The following CC2D1B variants were observed in gnomAD, a reference collection of about 807,000 sequenced individuals.
The protein encoded by CC2D1B is coiled-coil and C2 domain containing 1B.
In CC2D1B, 92 loss-of-function variants were observed where a neutral mutation model predicts 110.8. That is an observed-to-expected ratio of 0.83 (90% CI 0.70 to 0.99). The LOEUF is 0.99. Ranked by LOEUF, CC2D1B falls within the 50% of genes least tolerant of loss-of-function variation. CC2D1B has a pLI of 0.00. For synonymous variants in CC2D1B, 406 were observed against 429.2 expected, an observed-to-expected ratio of 0.95 and a Z score of 0.67; for missense variants, 1,136 against 1,089.0, an observed-to-expected ratio of 1.04 and a Z score of -0.61.
chr1:52,352,690 TAGTGC>T lies in CC2D1B; in HGVS notation c.*530_*534del, dbSNP rs1646551041. On this transcript the variant is annotated 3_prime_UTR_variant, in exon 25 of 25. Coordinates refer to ENST00000284376, the MANE Select transcript of CC2D1B (RefSeq NM_001330585.2). ...TAAGTCCTTAGGGAAGCAGGAAGGC[TAGTGC>T]AGCAGCTGTCAGGGATAAAGGCACA... 6.6e-6 allele frequency: 1 copy of T among 152,662 alleles called. No individual in the cohort carries two copies. Among genetic ancestry groups the T allele is most frequent in the Non-Finnish European group, 1.5e-5 (1 of 68,160 alleles). The allele number at this position is 152,662 out of a possible 1,614,324, so 9.5% of individuals were successfully genotyped here. A position where few individuals can be genotyped will look rare whatever the true frequency, so the allele number is the denominator to read the frequency against.
intron 1 of CC2D1B, among the ~76,000 whole-genome samples, chr1:52,365,816 C>A (rs1646869658): frequency 6.6e-6 from 1 of 152,086 alleles, no homozygotes; most frequent in Admixed American, 6.5e-5. Flanking sequence ...GCGGGCGCTC[C>A]GGGGGACTCT....
rs1646604967 is a variant in CC2D1B, at chr1:52,354,658, G to A, written c.2380C>T (p.Leu794=). Residue 794 remains leucine (L), a synonymous_variant, in exon 23 of 25, where the codon CTG becomes TTG. Transcript: ENST00000284376. Reference sequence around the variant, plus strand: ...TCATTCTCCAGCCGCTCCAGTTTCAGGTGTGCTGTGCCAACCAGCTTGTCG... The same window carrying A: ...TCATTCTCCAGCCGCTCCAGTTTCAAGTGTGCTGTGCCAACCAGCTTGTCG... The part of the protein sequence containing the change: ...RSDKLVGTAH[L]KLERLENECE... 1.9e-6 allele frequency: 3 copies of A among 1,614,100 alleles called. No homozygotes were observed. In the African/African-American group the frequency reaches 4.0e-5, roughly 22 times the overall value.
At chr1:52,361,236 TCA>T in intron 4 of CC2D1B, 104 bp from the exon 5 acceptor site, 1 of 1,402,688 alleles carries the variant, frequency 7.1e-7, no homozygotes, top group Non-Finnish European at 9.9e-7. Flanking sequence ...TTCCCTAACG[TCA>T]GTCACTGTGC....
chr1:52,355,512 C>T (rs971587394), intron 20 of CC2D1B, 63 bp from the exon 21 acceptor site: 115 of 1,607,962 alleles, frequency 7.2e-5, no homozygotes, highest in Non-Finnish European at 9.2e-5. Flanking sequence ...AGGGCAGGCA[C>T]TGCAGCCACA....
At chr1:52,365,742 C>G (rs1646867610) in intron 1 of CC2D1B, among the ~76,000 whole-genome samples, 1 of 152,202 alleles carries the variant, frequency 6.6e-6, no homozygotes, top group Non-Finnish European at 1.5e-5. Context: ...CGCATCTCGC[C>G]ACAGCGCTGG....
chr1:52,361,093 C>A lies in CC2D1B; in HGVS notation c.358G>T (p.Glu120Ter), dbSNP rs1173677072. ...QEVLGVDEET[E>*]PLDGDEVADP... ...GCTACCTCATCACCATCCAGGGGCTCAGTCTCCTCGTCCACACCTAAGACC... is the reference window on the plus strand; with the variant it reads ...GCTACCTCATCACCATCCAGGGGCTAAGTCTCCTCGTCCACACCTAAGACC... Residue 120 changes from glutamate to a stop codon, truncating the protein, a stop_gained, in exon 5 of 25, where the codon GAG becomes TAG. Transcript: ENST00000284376. LOFTEE classifies it high-confidence loss of function. 1 of 1,614,058 alleles carries A rather than the reference C, an allele frequency of 6.2e-7. No individual in the cohort carries two copies. The highest frequency in any genetic ancestry group is 1.7e-5 in the Admixed American group (1 of 60,020).
chr1:52,355,254 A>G, intron 21 of CC2D1B, 144 bp downstream of exon 21: 1 of 855,858 alleles, frequency 1.2e-6, no homozygotes, highest in Middle Eastern at 2.3e-4. Context: ...TGTTTCTCCA[A>G]CTACAGAAGA....
chr1:52,354,409 C>T (rs780159851), intron 23 of CC2D1B, 199 bp downstream of exon 23: 11 of 704,300 alleles, frequency 1.6e-5, no homozygotes, highest in Non-Finnish European at 2.6e-5. Flanking sequence ...GCTGCCTTCT[C>T]CTGGGTCCCT....
rs80290791 is a variant in CC2D1B at position 52,362,387 on chromosome 1, G to T, written c.214+215C>A. 9.8e-3 allele frequency among the ~76,000 whole-genome samples: 1,495 copies of T among 152,288 alleles called. 64 individuals carry two copies. The East Asian group carries it at 0.12, about 12-fold the overall frequency. On this transcript the variant is annotated intron_variant, in intron 3 of 24. Transcript: ENST00000284376. ...AGGATGGGGACCTGAGTCAGTCTGAGAAACACATTTGTCCACAATGGGGAG... is the reference window on the plus strand; with the variant it reads ...AGGATGGGGACCTGAGTCAGTCTGATAAACACATTTGTCCACAATGGGGAG...
chr1:52,355,076 G>A (rs1363397670), intron 21 of CC2D1B, 137 bp from the exon 22 acceptor site: 7 of 713,998 alleles, frequency 9.8e-6, no homozygotes, highest in Non-Finnish European at 1.7e-5. Flanking sequence ...AAGGGTGGTA[G>A]AGCATCGCGG....
chr1:52,353,119 G>A lies in CC2D1B; in HGVS notation c.*106C>T. 8.6e-7 allele frequency: 1 copy of A among 1,157,480 alleles called. No homozygotes were observed. The highest frequency in any genetic ancestry group is 1.3e-5 in the South Asian group (1 of 78,068). The allele number at this position is 1,157,480 out of a possible 1,614,324, so 71.7% of individuals were successfully genotyped here. A position where few individuals can be genotyped will look rare whatever the true frequency, so the allele number is the denominator to read the frequency against. Reference sequence around the variant, plus strand: ...ATGCTTAACAGGTCTTTGGTGCTTGGGTAGCAGCATCTCTTATGTACAAAG... The same window carrying A: ...ATGCTTAACAGGTCTTTGGTGCTTGAGTAGCAGCATCTCTTATGTACAAAG... On this transcript the variant is annotated 3_prime_UTR_variant, in exon 25 of 25. Transcript: ENST00000284376.
intron 16 of CC2D1B, 117 bp downstream of exon 16, chr1:52,356,884 G>T: frequency 8.2e-7 from 1 of 1,223,786 alleles, no homozygotes; most frequent in Non-Finnish European, 1.1e-6. Context: ...GTCACACAGT[G>T]AGTAAGTGGA....
intron 3 of CC2D1B, among the ~76,000 whole-genome samples, chr1:52,362,030 C>G (rs1298884003): frequency 2.0e-5 from 3 of 152,202 alleles, no homozygotes; most frequent in Non-Finnish European, 4.4e-5. Flanking sequence ...TCACTGCAAT[C>G]CTTAAGTGGC....
rs559346800 is a variant in CC2D1B at position 52,358,777 on chromosome 1, A to AG, written c.1258-20dup. On this transcript the variant is annotated intron_variant, in intron 11 of 24. Transcript: ENST00000284376. ...GATATTGCTGCAAGGGAAGGAAGGG[A>AG]GGGGCCTGTGGTCGGCAGCAGCCCA... 2.2e-4 allele frequency: 351 copies of AG among 1,603,052 alleles called. 1 individual carries two copies. The African/African-American group carries it at 4.2e-3, about 19-fold the overall frequency.
At chr1:52,361,316 C>G (rs1416625488) in intron 4 of CC2D1B, among the ~76,000 whole-genome samples, 184 bp from the exon 5 acceptor site, 1 of 152,118 alleles carries the variant, frequency 6.6e-6, no homozygotes, top group African/African-American at 2.4e-5. Flanking sequence ...GTAATTACTC[C>G]AAATCTGAGA....
At chr1:52,356,659 G>A (rs1646659660) in intron 16 of CC2D1B, 3 of 614,780 alleles carry the variant, frequency 4.9e-6, no homozygotes, top group Non-Finnish European at 8.5e-6. Context: ...CCCCAAATTA[G>A]CAACTCCTTC....
At chr1:52,353,369 A>G in intron 24 of CC2D1B, 146 bp from the exon 25 acceptor site, 1 of 1,511,558 alleles carries the variant, frequency 6.6e-7, no homozygotes, top group South Asian at 1.4e-5. Context: ...ACTGAGGAAC[A>G]TCAGAAACTC....
In CC2D1B at chr1:52,354,624, A is replaced by ATCTC; in HGVS notation, c.2410_2413dup (p.Ile805ArgfsTer39). 1 of 1,614,156 alleles carries ATCTC rather than the reference A, an allele frequency of 6.2e-7. No homozygotes were observed. The highest frequency in any genetic ancestry group is 8.5e-7 in the Non-Finnish European group (1 of 1,180,026). On this transcript the variant is annotated frameshift_variant, in exon 23 of 25. Coordinates refer to ENST00000284376, the MANE Select transcript of CC2D1B (RefSeq NM_001330585.2). LOFTEE classifies it high-confidence loss of function. ...AGCCCCTACCTCCACAATTTCTCTG[A>ATCTC]TCTCACACTCATTCTCCAGCCGCTC...
chr1:52,357,725 G>T, intron 14 of CC2D1B, 27 bp from the exon 15 acceptor site: 2 of 1,610,228 alleles, frequency 1.2e-6, no homozygotes, highest in Non-Finnish European at 8.5e-7. Flanking sequence ...ACTGGTTAGG[G>T]CCACACCTGC....
Sources: gnomAD v4.1 joint callset for allele counts (sites outside exome capture counted in the v4.1 genomes callset) on GRCh38, gnomAD v4.1.1 for gene constraint, MANE v1.5 for transcripts, NCBI Gene and HGNC (gene_info 2026-07-23, HGNC 2026-07-21) for gene names.